CCSAP: variants seen among roughly 807,000 people sequenced by gnomAD.
The protein encoded by CCSAP is centriole, cilia and spindle-associated protein.
CCSAP carries 17 observed loss-of-function variants against 25.9 expected under a neutral mutation model. The ratio of observed to expected loss-of-function variants is 0.66; its 90% CI spans 0.45 to 0.99. CCSAP has a LOEUF of 0.99. Among genes scored for constraint, CCSAP ranks in the 50% least tolerant of loss-of-function variants. CCSAP has a pLI of 0.00. For synonymous variants in CCSAP, 169 were observed against 157.1 expected (o/e 1.08, Z -0.57); for missense variants, 339 against 367.8 (o/e 0.92, Z 0.64).
At chr1:229,333,405 C>T (rs911788183) in intron 2 of CCSAP, among the ~76,000 whole-genome samples, 19 of 133,754 alleles carry the variant, frequency 1.4e-4, no homozygotes, top group Admixed American at 1.1e-3. Flanking sequence ...TGCACTCCAG[C>T]CTGGGCGACA....
chr1:229,334,011 G>A (rs1658140462), intron 2 of CCSAP, among the ~76,000 whole-genome samples: 1 of 152,188 alleles, frequency 6.6e-6, no homozygotes, highest in Admixed American at 6.5e-5. Flanking sequence ...TCTTAATTCT[G>A]ATATTATTAG....
rs748839087 is a variant in CCSAP, at chr1:229,342,487, C to A, written c.-22G>T. 7.6e-7 allele frequency: 1 copy of A among 1,313,492 alleles called. No individual in the cohort carries two copies. Among genetic ancestry groups the A allele is most frequent in the Non-Finnish European group, 9.7e-7 (1 of 1,029,402 alleles). The allele number at this position is 1,313,492 out of a possible 1,614,324, so 81.4% of individuals were successfully genotyped here. A position where few individuals can be genotyped will look rare whatever the true frequency, so the allele number is the denominator to read the frequency against. ...ACATGGTGCCGTCCGCCGCCTCGAG[C>A]GCCAGCCGCTCCTCGCTGCCCGCAG... On this transcript the variant is annotated 5_prime_UTR_variant, in exon 2 of 4. Transcript: ENST00000284617. This position sits in a 1 kb window ranked among gnomAD's most constrained non-coding sequence, Gnocchi z 7.5.
intron 3 of CCSAP, among the ~76,000 whole-genome samples, chr1:229,326,398 GT>G (rs1657941182): frequency 6.6e-6 from 1 of 152,230 alleles, no homozygotes; most frequent in Non-Finnish European, 1.5e-5. Context: ...CAGATGGGCC[GT>G]CGCCAGCCTT....
Position 229,322,789 on chromosome 1 carries a change from CA to C in CCSAP, c.*2445del, listed in dbSNP as rs1657856034. ...TTAATATTAAAAGCAGTAACAAAAT[CA>C]AAAAGCATATTTATGACATTGTTTT... is the stretch of plus-strand genomic sequence containing the variant. On this transcript the variant is annotated 3_prime_UTR_variant, in exon 4 of 4. Transcript: ENST00000284617. The C allele has an allele frequency of 6.6e-6, 1 of 152,076 alleles. No individual in the cohort carries two copies. Among genetic ancestry groups the C allele is most frequent in the Non-Finnish European group, 1.5e-5 (1 of 68,018 alleles). 9.4% of individuals were successfully genotyped at this position (152,076 alleles called of 1,614,324 possible). A position where few individuals can be genotyped will look rare whatever the true frequency, so the allele number is the denominator to read the frequency against.
chr1:229,327,643 G>C (rs1373600388), intron 2 of CCSAP: 1 of 453,826 alleles, frequency 2.2e-6, no homozygotes, highest in Non-Finnish European at 4.4e-6. Flanking sequence ...GCCGAGGCGA[G>C]CGGATCACGA....
At chr1:229,331,802 A>ATTATTC (rs1233214561) in intron 2 of CCSAP, among the ~76,000 whole-genome samples, 1 of 145,038 alleles carries the variant, frequency 6.9e-6, no homozygotes, top group African/African-American at 2.6e-5. Context: ...TATTATTATT[A>ATTATTC]TTATTATTAT....
Position 229,337,678 on chromosome 1 carries a change from A to AAAAAAATATAT in CCSAP, c.367+4420_367+4421insATATATTTTTT. Among the ~76,000 whole-genome samples the AAAAAAATATAT allele has an allele frequency of 4.3e-3, 283 of 65,466 alleles. 6 individuals are homozygous for AAAAAAATATAT. The highest frequency in any genetic ancestry group is 0.012 in the South Asian group (29 of 2,486). The allele number at this position is 65,466 out of a possible 152,430, so 42.9% of individuals were successfully genotyped here. A position where few individuals can be genotyped will look rare whatever the true frequency, so the allele number is the denominator to read the frequency against. ...GAACAAGATCAAAGGCTCAAAAAAAAATATATATATATATATATATACACA... is the reference window on the plus strand; with the variant it reads ...GAACAAGATCAAAGGCTCAAAAAAAAAAAAAATATATATATATATATATATATATATACACA... On this transcript the variant is annotated intron_variant, in intron 2 of 3. Transcript: ENST00000284617.
At chr1:229,336,906 T>C (rs1333419941) in intron 2 of CCSAP, among the ~76,000 whole-genome samples, 1 of 151,940 alleles carries the variant, frequency 6.6e-6, no homozygotes, top group African/African-American at 2.4e-5. Context: ...AAAGCTAAGG[T>C]GAGAATTAAA....
Position 229,342,572 on chromosome 1 carries a change from C to G in CCSAP, c.-48-59G>C. On this transcript the variant is annotated intron_variant, in intron 1 of 3. Coordinates refer to ENST00000284617, the MANE Select transcript of CCSAP (RefSeq NM_145257.5). This position sits in a 1 kb window ranked among gnomAD's most constrained non-coding sequence, Gnocchi z 7.5. ...CCGCCCCTCCGCCGGCCCTGCCCGC[C>G]GCGACGTTTAAACCCGGAGCCCCGC... 7.8e-6 allele frequency: 6 copies of G among 766,268 alleles called. No individual in the cohort carries two copies. Among genetic ancestry groups the G allele is most frequent in the South Asian group, 1.3e-4 (2 of 15,916 alleles). 47.5% of individuals were successfully genotyped at this position (766,268 alleles called of 1,614,324 possible).
intron 2 of CCSAP, among the ~76,000 whole-genome samples, chr1:229,333,884 AAAT>A (rs1180215615): frequency 2.6e-5 from 4 of 152,288 alleles, no homozygotes; most frequent in Non-Finnish European, 2.9e-5. Flanking sequence ...CCATCTCAAA[AAAT>A]AATAATAATA....
In CCSAP at chr1:229,322,941, G is replaced by C. The variant is rs893862358; in HGVS notation, c.*2294C>G. 1 of 152,094 alleles carries C rather than the reference G, an allele frequency of 6.6e-6. No homozygotes were observed. 9.4% of individuals were successfully genotyped at this position (152,094 alleles called of 1,614,324 possible). A position where few individuals can be genotyped will look rare whatever the true frequency, so the allele number is the denominator to read the frequency against. ...TTTTAAACTGTCTCACTGTCTTGCA[G>C]GTTGTCCCAAGAATTAGGAACATGA... On this transcript the variant is annotated 3_prime_UTR_variant, in exon 4 of 4. Coordinates refer to ENST00000284617, the MANE Select transcript of CCSAP (RefSeq NM_145257.5).
intron 2 of CCSAP, among the ~76,000 whole-genome samples, chr1:229,329,897 A>C (rs1658029779): frequency 6.6e-6 from 1 of 152,232 alleles, no homozygotes; most frequent in Admixed American, 6.5e-5. Context: ...AGGCTGAGGC[A>C]GGAGAATCGC....
In CCSAP at chr1:229,342,549, G is replaced by A. The variant is rs1015414778; in HGVS notation, c.-48-36C>T. 10 of 930,196 alleles carry A rather than the reference G, an allele frequency of 1.1e-5. No individual in the cohort carries two copies. Among genetic ancestry groups the A allele is most frequent in the African/African-American group, 6.9e-5 (4 of 58,196 alleles). The allele number at this position is 930,196 out of a possible 1,614,324, so 57.6% of individuals were successfully genotyped here. A position where few individuals can be genotyped will look rare whatever the true frequency, so the allele number is the denominator to read the frequency against. ...CGGTACACGACACAGAGGCCGCCCCGCCCCTCCGCCGGCCCTGCCCGCCGC... is the reference window on the plus strand; with the variant it reads ...CGGTACACGACACAGAGGCCGCCCCACCCCTCCGCCGGCCCTGCCCGCCGC... On this transcript the variant is annotated intron_variant, in intron 1 of 3. Transcript: ENST00000284617. This position sits in a 1 kb window ranked among gnomAD's most constrained non-coding sequence, Gnocchi z 7.5.
At chr1:229,325,515 G>A in intron 3 of CCSAP, 104 bp from the exon 4 acceptor site, 3 of 1,042,746 alleles carry the variant, frequency 2.9e-6, no homozygotes, top group Non-Finnish European at 2.8e-6. Context: ...ACTGCAGCAG[G>A]GCAGAGTCAA....
chr1:229,342,303 C>T lies in CCSAP; in HGVS notation c.163G>A (p.Ala55Thr). ...GACGCCGAGTCCTCCGAGGAGCCGG[C>T]CGGGCCCCAGTCGTCCCAGAGCCAG... Reference protein sequence around the residue: ...APWLWDDWGPAGSSEDSASSE... With the variant: ...APWLWDDWGPTGSSEDSASSE... Residue 55 changes from alanine to threonine, a missense_variant, in exon 2 of 4, where the codon GCC becomes ACC. Coordinates refer to ENST00000284617, the MANE Select transcript of CCSAP (RefSeq NM_145257.5). The surrounding 1 kb of genome is among the most constrained non-coding windows in gnomAD (Gnocchi z 7.5). 1.4e-6 allele frequency: 2 copies of T among 1,442,640 alleles called. No homozygotes were observed. Among genetic ancestry groups the T allele is most frequent in the South Asian group, 1.4e-5 (1 of 70,716 alleles). The allele number at this position is 1,442,640 out of a possible 1,614,324, so 89.4% of individuals were successfully genotyped here.
chr1:229,342,581 T>A lies in CCSAP; in HGVS notation c.-48-68A>T. 3 of 661,254 alleles carry A rather than the reference T, an allele frequency of 4.5e-6. No homozygotes were observed. Among genetic ancestry groups the A allele is most frequent in the Non-Finnish European group, 6.4e-6 (3 of 469,688 alleles). 41.0% of individuals were successfully genotyped at this position (661,254 alleles called of 1,614,324 possible). A position where few individuals can be genotyped will look rare whatever the true frequency, so the allele number is the denominator to read the frequency against. On this transcript the variant is annotated intron_variant, in intron 1 of 3. Transcript: ENST00000284617. The surrounding 1 kb of genome is among the most constrained non-coding windows in gnomAD (Gnocchi z 7.5). ...CGCCGGCCCTGCCCGCCGCGACGTTTAAACCCGGAGCCCCGCCCGGACGGG... is the reference window on the plus strand; with the variant it reads ...CGCCGGCCCTGCCCGCCGCGACGTTAAAACCCGGAGCCCCGCCCGGACGGG...
At chr1:229,333,914 T>C (rs1354731532) in intron 2 of CCSAP, among the ~76,000 whole-genome samples, 1 of 152,132 alleles carries the variant, frequency 6.6e-6, no homozygotes, top group Non-Finnish European at 1.5e-5. Flanking sequence ...AAATAAATAA[T>C]AAAATGGTTA....
At chr1:229,341,501 C>T (rs935387713) in intron 2 of CCSAP, among the ~76,000 whole-genome samples, 43 of 152,096 alleles carry the variant, frequency 2.8e-4, no homozygotes, top group African/African-American at 9.9e-4. Context: ...TCTGGACAGG[C>T]GAGGGAGGAT....
chr1:229,338,488 T>C (rs1335283101), intron 2 of CCSAP, among the ~76,000 whole-genome samples: 4 of 151,566 alleles, frequency 2.6e-5, no homozygotes, highest in African/African-American at 4.9e-5. Context: ...ATATTGGCTA[T>C]GGGAGGAAAA....
Sources: allele counts gnomAD v4.1 joint callset (sites outside exome capture counted in the v4.1 genomes callset), GRCh38; gene constraint gnomAD v4.1.1; non-coding constraint Gnocchi (gnomAD v3.1); transcripts MANE v1.5; gene names NCBI Gene and HGNC (gene_info 2026-07-23, HGNC 2026-07-21).